DNAH6: variants seen among roughly 807,000 people sequenced by gnomAD.
DNAH6 encodes the protein axonemal beta dynein heavy chain 6.
Under a neutral mutation model 491.4 loss-of-function variants are expected in DNAH6, and 340 were observed. The observed-to-expected ratio is 0.69, with a 90% CI of 0.63 to 0.76. The LOEUF is 0.76. DNAH6 is among the 30% of genes least tolerant of loss of function. The probability of loss-of-function intolerance (pLI) is 0.00; values close to 1 mark genes in which losing one functional copy is unlikely to be tolerated. For missense variants in DNAH6, 4,443 were observed against 4,972.2 expected, an observed-to-expected ratio of 0.89 and a Z score of 3.20; for synonymous variants, 1,603 against 1,686.1, an observed-to-expected ratio of 0.95 and a Z score of 1.21.
intron 31 of DNAH6, among the ~76,000 whole-genome samples, 173 bp from the exon 32 acceptor site, chr2:84,640,257 G>A (rs967222418): frequency 3.9e-5 from 6 of 152,132 alleles, no homozygotes; most frequent in Admixed American, 1.3e-4. Flanking sequence ...CTGCCTTCCC[G>A]TTTCCTGTGG....
chr2:84,638,416 C>CAT (rs1558834914), intron 31 of DNAH6, among the ~76,000 whole-genome samples: 1 of 151,998 alleles, frequency 6.6e-6, no homozygotes, highest in African/African-American at 2.4e-5. Flanking sequence ...CACATGCATT[C>CAT]ATCTGTGTGA....
chr2:84,466,867 A>G, the DNAH6 span, among the ~76,000 whole-genome samples: 1 of 152,258 alleles, frequency 6.6e-6, no homozygotes, highest in Non-Finnish European at 1.5e-5. Context: ...CCTCTGTGGC[A>G]TACAATAATT....
chr2:84,483,152 C>G, the DNAH6 span, among the ~76,000 whole-genome samples: 1 of 151,688 alleles, frequency 6.6e-6, no homozygotes, highest in African/African-American at 2.4e-5. Flanking sequence ...GGGGTAGATA[C>G]GGGGTCTCAC....
intron 11 of DNAH6, among the ~76,000 whole-genome samples, chr2:84,563,658 T>G (rs1307407922): frequency 6.6e-6 from 1 of 152,116 alleles, no homozygotes; most frequent in Non-Finnish European, 1.5e-5. Flanking sequence ...TGTGTGTTTA[T>G]TGAAAATTTC....
intron 51 of DNAH6, 83 bp from the exon 52 acceptor site, chr2:84,705,403 C>A: frequency 7.9e-7 from 1 of 1,262,858 alleles, no homozygotes; most frequent in Non-Finnish European, 1.1e-6. Flanking sequence ...GGGATAATAT[C>A]ATAATGTTCT....
At chr2:84,514,195 G>T (rs1464660241), upstream of DNAH6, among the ~76,000 whole-genome samples, 2 of 152,050 alleles carry the variant, frequency 1.3e-5, no homozygotes, top group African/African-American at 4.8e-5. Flanking sequence ...CCTTATTTCT[G>T]TGAGCCCTGC....
Position 84,717,655 on chromosome 2 carries a change from A to G in DNAH6, c.9612-549A>G, listed in dbSNP as rs558658201. ...ATAGAGTAGTACTTAATAAAGATTA[A>G]CTTGCAAATGGAGACTGGGAGCAAA... On this transcript the variant is annotated intron_variant, in intron 58 of 76. Transcript: ENST00000389394. Among the ~76,000 whole-genome samples, 31 of 152,354 alleles carry G rather than the reference A, an allele frequency of 2.0e-4. No individual in the cohort carries two copies. In the South Asian group the frequency reaches 6.4e-3, roughly 32 times the overall value.
At chr2:84,487,094 A>G in the DNAH6 span, among the ~76,000 whole-genome samples, 5 of 152,210 alleles carry the variant, frequency 3.3e-5, no homozygotes, top group Admixed American at 2.0e-4. Context: ...TTTCTTTCTT[A>G]TTCATTTACC....
intron 37 of DNAH6, among the ~76,000 whole-genome samples, chr2:84,667,694 G>A (rs1573418891): frequency 6.6e-6 from 1 of 152,254 alleles, no homozygotes; most frequent in South Asian, 2.1e-4. Flanking sequence ...ATTCCTCAAG[G>A]ATCTAGAACT....
rs1407468551 is a variant in DNAH6, at chr2:84,619,669, A to G, written c.3573-16A>G. On this transcript the variant is annotated splice_polypyrimidine_tract_variant and intron_variant, in intron 23 of 76. Transcript: ENST00000389394. ...TTCCATTTCAAGTTATATTTTAAGG[A>G]TGTTCTTTAATCCAGGTTTTACTTC... 1.4e-5 allele frequency: 22 copies of G among 1,544,528 alleles called. No homozygotes were observed. The highest frequency in any genetic ancestry group is 1.9e-5 in the Non-Finnish European group (22 of 1,140,748).
At chr2:84,621,613 A>T in intron 26 of DNAH6, 62 bp downstream of exon 26, 29 of 944,532 alleles carry the variant, frequency 3.1e-5, no homozygotes, top group East Asian at 5.4e-5. Context: ...GTTTTTTTTT[A>T]AAGCACAGTT....
At chr2:84,548,254 G>A in intron 7 of DNAH6, 34 bp from the exon 8 acceptor site, 1 of 1,580,820 alleles carries the variant, frequency 6.3e-7, no homozygotes, top group Non-Finnish European at 8.6e-7. Flanking sequence ...TTTTACACAA[G>A]TACACTTGTT....
chr2:84,589,616 C>T (rs1180749206), intron 16 of DNAH6, among the ~76,000 whole-genome samples: 7 of 147,858 alleles, frequency 4.7e-5, no homozygotes, highest in African/African-American at 7.5e-5. Context: ...GGAGGCTAAA[C>T]GGGGAGGATC....
intron 59 of DNAH6, among the ~76,000 whole-genome samples, chr2:84,721,233 G>T (rs1698123542): frequency 6.6e-6 from 1 of 152,186 alleles, no homozygotes; most frequent in Non-Finnish European, 1.5e-5. Flanking sequence ...GGGCCTACAT[G>T]ATCCACCAAC....
In DNAH6 at chr2:84,535,387, TA is replaced by T. The variant is rs1677588890; in HGVS notation, c.662+6224del. 3.3e-5 allele frequency among the ~76,000 whole-genome samples: 5 copies of T among 152,108 alleles called. No homozygotes were observed. In the South Asian group the frequency reaches 1.0e-3, roughly 32 times the overall value. ...ACAGTAATAGACCTGTCCTTTTGCCTAAATATCTTATTTGTATAAAAATGTT... is the reference window on the plus strand; with the variant it reads ...ACAGTAATAGACCTGTCCTTTTGCCTAATATCTTATTTGTATAAAAATGTT... On this transcript the variant is annotated intron_variant, in intron 4 of 76. Coordinates refer to ENST00000389394, the MANE Select transcript of DNAH6 (RefSeq NM_001370.2).
chr2:84,744,485 T>C (rs1001258820), intron 62 of DNAH6, among the ~76,000 whole-genome samples: 2 of 152,240 alleles, frequency 1.3e-5, no homozygotes, highest in African/African-American at 4.8e-5. Flanking sequence ...GTATCGTTTA[T>C]TAGGGCATAA....
intron 33 of DNAH6, among the ~76,000 whole-genome samples, chr2:84,651,561 T>G (rs549385312): frequency 1.3e-5 from 2 of 152,224 alleles, no homozygotes; most frequent in South Asian, 4.1e-4. Context: ...GCCCCTTTCC[T>G]GGTCCTTTGG....
chr2:84,506,773 C>A, the DNAH6 span, among the ~76,000 whole-genome samples: 2 of 152,254 alleles, frequency 1.3e-5, no homozygotes, highest in South Asian at 2.1e-4. Context: ...CCAGTTTCAG[C>A]TTTCTACATA....
At chr2:84,553,109 G>A (rs1029771221) in intron 10 of DNAH6, 75 bp downstream of exon 10, 4 of 852,536 alleles carry the variant, frequency 4.7e-6, no homozygotes, top group Non-Finnish European at 7.5e-6. Context: ...CTGTCAATTG[G>A]TTGTCAGAAT....
Sources: allele counts gnomAD v4.1 joint callset (sites outside exome capture counted in the v4.1 genomes callset), GRCh38; gene constraint gnomAD v4.1.1; transcripts MANE v1.5; gene names NCBI Gene and HGNC (gene_info 2026-07-23, HGNC 2026-07-21).